Variants in CHD8 observed in about 807,000 individuals in gnomAD.
The protein encoded by CHD8 is chromodomain helicase DNA binding protein 8.
A neutral mutation model predicts 279.2 loss-of-function variants in CHD8; 31 were observed. The ratio of observed to expected loss-of-function variants is 0.11; its 90% confidence interval spans 0.08 to 0.15. The LOEUF (loss-of-function observed/expected upper bound fraction) is 0.15, where lower values mean the gene tolerates loss of function less well. CHD8 is among the 10% of genes least tolerant of loss of function. CHD8 has a pLI of 1.00. For missense variants in CHD8, 2,146 were observed against 3,230.5 expected (o/e 0.66, Z 8.14); for synonymous variants, 1,081 against 1,139.6 (o/e 0.95, Z 1.04).
Position 21,429,108 on chromosome 14 carries a change from T to C in CHD8, c.1071A>G (p.Pro357=), listed in dbSNP as rs1274071587. 23 of 1,613,846 alleles carry C rather than the reference T, an allele frequency of 1.4e-5. No individual in the cohort carries two copies. Among genetic ancestry groups the C allele is most frequent in the Non-Finnish European group, 1.7e-5 (20 of 1,179,878 alleles). ...PQQKIQIVPQ[P]PSSQPQPQQP... ...GCTGGGGCTGTGGCTGCGATGATGGTGGTTGTGGTACAATCTGGATTTTTT... is the reference window on the plus strand; with the variant it reads ...GCTGGGGCTGTGGCTGCGATGATGGCGGTTGTGGTACAATCTGGATTTTTT... Residue 357 remains proline, a synonymous_variant, in exon 3 of 38, where the codon CCA becomes CCG. Coordinates refer to ENST00000646647, the MANE Select transcript of CHD8 (RefSeq NM_001170629.2).
In CHD8 at chr14:21,385,906, G is replaced by A; in HGVS notation, c.7453C>T (p.His2485Tyr). 6.4e-7 allele frequency: 1 copy of A among 1,552,306 alleles called. No individual in the cohort carries two copies. Among genetic ancestry groups the A allele is most frequent in the Non-Finnish European group, 8.7e-7 (1 of 1,147,350 alleles). ...FVMGGAPSSP[H>Y]VDSSTMLHHH... is the part of the protein sequence containing the mutation. ...TGAAGCATGGTGCTGGAGTCTACAT[G>A]AGGGGATGATGGTGCACCACCCATC... Residue 2485 changes from histidine (H) to tyrosine (Y), a missense_variant, in exon 38 of 38, where the codon CAT becomes TAT. His to Tyr is a moderately conservative substitution (Grantham distance 83, BLOSUM62 2). Coordinates refer to ENST00000646647, the MANE Select transcript of CHD8 (RefSeq NM_001170629.2).
chr14:21,397,308 T>A (rs201950452), intron 27 of CHD8: 1 of 518,600 alleles, frequency 1.9e-6, no homozygotes, highest in African/African-American at 1.9e-5. Context: ...CAGATCTTCA[T>A]GTGAGAAGTT....
In CHD8 at chr14:21,431,016, G is replaced by T. The variant is rs781420567; in HGVS notation, c.628C>A (p.Pro210Thr). ...VTFTKVLTGT[P>T]LRPGVSIVSG... ...ACAATGGAAACACCTGGTCGAAGGG[G>T]TGTGCCGGTTAGCACTTTGGTAAAA... Residue 210 changes from proline (P) to threonine (T), a missense_variant, in exon 2 of 38, where the codon CCC becomes ACC. Physicochemically the swap from Pro to Thr is conservative, Grantham distance 38. Coordinates refer to ENST00000646647, the MANE Select transcript of CHD8 (RefSeq NM_001170629.2). 3.8e-6 allele frequency: 6 copies of T among 1,599,410 alleles called. No homozygotes were observed. The African/African-American group carries it at 8.0e-5, about 21-fold the overall frequency.
At position 21,403,647 on chromosome 14, in the gene CHD8, G is replaced by A; in HGVS notation, c.3324C>T (p.Ile1108=). The A allele has an allele frequency of 6.3e-7, 1 of 1,591,196 alleles. No homozygotes were observed. The highest frequency in any genetic ancestry group is 8.6e-7 in the Non-Finnish European group (1 of 1,167,946). Residue 1108 remains isoleucine (I), a synonymous_variant, in exon 17 of 38, where the codon ATC becomes ATT. Coordinates refer to ENST00000646647, the MANE Select transcript of CHD8 (RefSeq NM_001170629.2). The surrounding 1 kb of genome is among the most constrained non-coding windows in gnomAD (Gnocchi z 4.3). ...GGCAAGCTTCACGGAATTCTGTTAG[G>A]ATTTTTTCTTCAGCACCTGCCAAAA... ...PYLINGAEEK[I]LTEFREACHI...
chr14:21,416,445 A>G (rs1888728709), intron 5 of CHD8: 1 of 152,324 alleles, frequency 6.6e-6, no homozygotes, highest in African/African-American at 2.4e-5. Flanking sequence ...TAAGTAATTT[A>G]AGCAACACTT....
chr14:21,438,750 A>C (rs959878250), intron 1 of CHD8, among the ~76,000 whole-genome samples: 8 of 151,614 alleles, frequency 5.3e-5, no homozygotes, highest in Admixed American at 3.9e-4. Flanking sequence ...AATCGCTTGA[A>C]CCTGGGAGGC....
rs556807926 is a variant in CHD8, at chr14:21,404,406, A to G, written c.3308-743T>C. ...ATAGTGAAACTCCATCTTAAAAAAAAAAAAAAAAAAAAAACTTAAATCATC... is the reference window on the plus strand; with the variant it reads ...ATAGTGAAACTCCATCTTAAAAAAAGAAAAAAAAAAAAAACTTAAATCATC... On this transcript the variant is annotated intron_variant, in intron 16 of 37. Coordinates refer to ENST00000646647, the MANE Select transcript of CHD8 (RefSeq NM_001170629.2). 3.2e-4 allele frequency among the ~76,000 whole-genome samples: 48 copies of G among 152,042 alleles called. 1 individual carries two copies. In the South Asian group the frequency reaches 4.8e-3, roughly 15 times the overall value.
chr14:21,415,323 G>C (rs1421825950), intron 7 of CHD8: 1 of 341,002 alleles, frequency 2.9e-6, no homozygotes, highest in African/African-American at 2.1e-5. Flanking sequence ...TGTGAACATA[G>C]CATTACGGGT....
chr14:21,429,829 T>G (rs1463736557), intron 2 of CHD8: 1 of 232,656 alleles, frequency 4.3e-6, no homozygotes, highest in Non-Finnish European at 8.8e-6. Flanking sequence ...TGCTTTTTTG[T>G]AGAGATGAGG....
intron 1 of CHD8, among the ~76,000 whole-genome samples, chr14:21,438,828 A>T (rs187265884): frequency 3.4e-5 from 5 of 148,378 alleles, no homozygotes; most frequent in South Asian, 2.1e-4. Flanking sequence ...ACTCTGTCTT[A>T]AAAAAAAAGC....
intron 37 of CHD8, 193 bp from the exon 38 acceptor site, chr14:21,386,369 A>G: frequency 1.7e-6 from 1 of 595,380 alleles, no homozygotes; most frequent in Non-Finnish European, 3.0e-6. Flanking sequence ...TGGTTGAAAC[A>G]TTCTGATACT....
At chr14:21,392,917 GC>G (rs2139445407) in intron 33 of CHD8, 108 bp from the exon 34 acceptor site, 1 of 1,285,222 alleles carries the variant, frequency 7.8e-7, no homozygotes, top group South Asian at 1.4e-5. Context: ...AAATCATAAG[GC>G]AGAAAAGAGG....
chr14:21,394,416 G>A lies in CHD8; in HGVS notation c.5460C>T (p.Asp1820=). Residue 1820 remains aspartate, a synonymous_variant, in exon 31 of 38, where the codon GAC becomes GAT. Transcript: ENST00000646647. Reference sequence around the variant, plus strand: ...AGCGATCCCAATGGAACTGCATGGTGTCAGGGTCATATTCCACACCAAACG... The same window carrying A: ...AGCGATCCCAATGGAACTGCATGGTATCAGGGTCATATTCCACACCAAACG... ...VSTFGVEYDP[D]TMQFHWDRFR... 6.2e-7 allele frequency: 1 copy of A among 1,613,718 alleles called. No individual in the cohort carries two copies. Among genetic ancestry groups the A allele is most frequent in the Non-Finnish European group, 8.5e-7 (1 of 1,179,750 alleles).
At position 21,400,648 on chromosome 14, in the gene CHD8, G is replaced by C. The variant is rs1315249786; in HGVS notation, c.4371-36C>G. The stretch of plus-strand genomic sequence containing the variant: ...GAAAACTATATTAACATTTTTCTGA[G>C]AAATGACAGTCCCCTGTCCCTCAGA... On this transcript the variant is annotated intron_variant, in intron 22 of 37. Transcript: ENST00000646647. This position sits in a 1 kb window ranked among gnomAD's most constrained non-coding sequence, Gnocchi z 4.2. 2.0e-6 allele frequency: 3 copies of C among 1,508,374 alleles called. No individual in the cohort carries two copies. The highest frequency in any genetic ancestry group is 1.3e-5 in the South Asian group (1 of 75,004). The allele number at this position is 1,508,374 out of a possible 1,614,324, so 93.4% of individuals were successfully genotyped here.
At chr14:21,422,152 C>T (rs1243990417) in intron 5 of CHD8, among the ~76,000 whole-genome samples, 1 of 152,120 alleles carries the variant, frequency 6.6e-6, no homozygotes, top group Non-Finnish European at 1.5e-5. Context: ...ACCAGCCTGG[C>T]CAACATGGTG....
Position 21,400,824 on chromosome 14 carries a change from C to A in CHD8, c.4370+51G>T. Reference sequence around the variant, plus strand: ...TGAAAGGCAAACCAAGAGTATCTATCAGGATGGAGATGCACTATGCACTAC... The same window carrying A: ...TGAAAGGCAAACCAAGAGTATCTATAAGGATGGAGATGCACTATGCACTAC... On this transcript the variant is annotated intron_variant, in intron 22 of 37. Transcript: ENST00000646647. The surrounding 1 kb of genome is among the most constrained non-coding windows in gnomAD (Gnocchi z 4.2). 6.7e-7 allele frequency: 1 copy of A among 1,493,948 alleles called. No homozygotes were observed. The highest frequency in any genetic ancestry group is 2.3e-5 in the East Asian group (1 of 43,896). The allele number at this position is 1,493,948 out of a possible 1,614,324, so 92.5% of individuals were successfully genotyped here. A position where few individuals can be genotyped will look rare whatever the true frequency, so the allele number is the denominator to read the frequency against.
rs1367921517 is a variant in CHD8 at position 21,386,173 on chromosome 14, G to C, written c.7186C>G (p.His2396Asp). ...CGGTTGAACACCGTTTCAGTGTGAT[G>C]ACCCTAGGAGGAGGGAATAGAAGAT... ...TANSRNGKKG[H>D]HTETVFNRVL... Residue 2396 changes from histidine to aspartate, a missense_variant, in exon 38 of 38, where the codon CAT becomes GAT. His to Asp is a moderately conservative substitution (Grantham distance 81, BLOSUM62 -1). Around this residue, in one of 26 missense-constraint regions of CHD8, gnomAD observed 336 missense variants for 392.9 expected, o/e 0.86. Coordinates refer to ENST00000646647, the MANE Select transcript of CHD8 (RefSeq NM_001170629.2). 1 of 1,551,214 alleles carries C rather than the reference G, an allele frequency of 6.4e-7. No individual in the cohort carries two copies. The highest frequency in any genetic ancestry group is 2.0e-5 in the Admixed American group (1 of 50,950).
At chr14:21,386,349 TG>T in intron 37 of CHD8, 173 bp from the exon 38 acceptor site, 1 of 611,942 alleles carries the variant, frequency 1.6e-6, no homozygotes, top group South Asian at 2.1e-5. Flanking sequence ...GAGGAAATGC[TG>T]GACTTAGCTG....
chr14:21,418,772 C>T (rs1888871685), intron 5 of CHD8, among the ~76,000 whole-genome samples: 1 of 152,208 alleles, frequency 6.6e-6, no homozygotes, highest in Non-Finnish European at 1.5e-5. Flanking sequence ...GCGGAGATCG[C>T]GCCACTGCAC....
Sources: gnomAD v4.1 joint callset for allele counts (sites outside exome capture counted in the v4.1 genomes callset) on GRCh38, gnomAD v4.1.1 for gene constraint, gnomAD v4.1.1 regional missense constraint, Gnocchi (gnomAD v3.1) non-coding constraint, MANE v1.5 for transcripts, NCBI Gene and HGNC (gene_info 2026-07-23, HGNC 2026-07-21) for gene names.